Variants in ARHGAP6 observed in about 807,000 individuals in gnomAD.
ARHGAP6 encodes the protein Rho GTPase activating protein 6, also known as rho GTPase-activating protein 6.
A neutral mutation model predicts 55.7 loss-of-function variants in ARHGAP6; 16 were observed. That is an observed-to-expected ratio of 0.29 (90% CI 0.19 to 0.44). The LOEUF is 0.44. Among genes scored for constraint, ARHGAP6 ranks in the 20% least tolerant of loss-of-function variants. The pLI, the probability that ARHGAP6 is intolerant of heterozygous loss-of-function variation, is 1.00. For missense variants in ARHGAP6, 698 were observed against 808.9 expected (o/e 0.86, Z 1.66); for synonymous variants, 382 against 360.9 (o/e 1.06, Z -0.66).
intron 1 of ARHGAP6, among the ~76,000 whole-genome samples, chrX:11,658,638 A>AT (rs1284232663): frequency 9.5e-6 from 1 of 105,809 alleles, no homozygotes; most frequent in Admixed American, 1.1e-4. Flanking sequence ...GAAATCCCTT[A>AT]TTTTTTTTCA....
intron 1 of ARHGAP6, among the ~76,000 whole-genome samples, chrX:11,579,716 A>G (rs184011923): frequency 8.9e-6 from 1 of 112,316 alleles, no homozygotes; most frequent in East Asian, 2.8e-4. Flanking sequence ...CTCTAAATGA[A>G]TTATTATGAT....
intron 1 of ARHGAP6, among the ~76,000 whole-genome samples, chrX:11,311,040 G>A (rs1462792854): frequency 8.9e-6 from 1 of 111,978 alleles, no homozygotes; most frequent in African/African-American, 3.2e-5. Flanking sequence ...GTAATTAATT[G>A]TGACCCTCTG....
At chrX:11,244,914 C>T (rs2047332979) in intron 2 of ARHGAP6, among the ~76,000 whole-genome samples, 2 of 112,057 alleles carry the variant, frequency 1.8e-5, no homozygotes, top group Non-Finnish European at 3.8e-5. Flanking sequence ...TTTGTGAATA[C>T]CATGGTACAA....
chrX:11,299,899 T>G (rs1010840835), intron 1 of ARHGAP6, among the ~76,000 whole-genome samples: 1 of 111,914 alleles, frequency 8.9e-6, no homozygotes, highest in Non-Finnish European at 1.9e-5. Flanking sequence ...TTCTTTTAAA[T>G]GGGGGAAAAT....
At chrX:11,414,182 T>G (rs1229555931) in intron 1 of ARHGAP6, among the ~76,000 whole-genome samples, 1 of 111,902 alleles carries the variant, frequency 8.9e-6, no homozygotes, top group South Asian at 3.7e-4. Flanking sequence ...GGCCAAAGAG[T>G]AAACATTTTA....
At chrX:11,602,583 C>T (rs1345488755) in intron 1 of ARHGAP6, among the ~76,000 whole-genome samples, 1 of 112,928 alleles carries the variant, frequency 8.9e-6, no homozygotes, top group East Asian at 2.8e-4. Context: ...GAGCCCCTTG[C>T]TCTGCCCACC....
chrX:11,382,426 T>C (rs912586038), intron 1 of ARHGAP6, among the ~76,000 whole-genome samples: 1 of 111,388 alleles, frequency 9.0e-6, no homozygotes, highest in African/African-American at 3.3e-5. Flanking sequence ...TCCACAGAGC[T>C]GTATTTGTGA....
At chrX:11,385,256 A>G (rs1362427095) in intron 1 of ARHGAP6, among the ~76,000 whole-genome samples, 3 of 111,602 alleles carry the variant, frequency 2.7e-5, no homozygotes, top group Non-Finnish European at 5.6e-5. Context: ...TATTTGGGTC[A>G]GTAACCTTGC....
At chrX:11,294,687 A>G (rs2048051507) in intron 1 of ARHGAP6, 7 of 940,438 alleles carry the variant, frequency 7.4e-6, no homozygotes, top group Middle Eastern at 6.2e-4. Flanking sequence ...CTAGCAATAG[A>G]CTAATGTAGA....
At chrX:11,432,424 T>C (rs1262212968) in intron 1 of ARHGAP6, among the ~76,000 whole-genome samples, 1 of 112,208 alleles carries the variant, frequency 8.9e-6, no homozygotes, top group Non-Finnish European at 1.9e-5. Context: ...TATACATATC[T>C]CCTTGTGCAT....
chrX:11,197,066 A>T (rs190757366), intron 2 of ARHGAP6, 70 bp from the exon 3 acceptor site: 19 of 548,547 alleles, frequency 3.5e-5, no homozygotes, highest in Non-Finnish European at 5.7e-5. Flanking sequence ...CGATAATTAC[A>T]TTTGAGCAAA....
chrX:11,143,897 C>T (rs2045652810), intron 11 of ARHGAP6, 83 bp downstream of exon 11: 1 of 1,204,911 alleles, frequency 8.3e-7, no homozygotes, highest in Non-Finnish European at 1.1e-6. Flanking sequence ...AAGAGAAGGT[C>T]CGAAGAGCCC....
chrX:11,448,450 A>G (rs888837728), intron 1 of ARHGAP6, among the ~76,000 whole-genome samples: 1 of 111,877 alleles, frequency 8.9e-6, no homozygotes, highest in African/African-American at 3.3e-5. Context: ...TGGGGTTCAG[A>G]GCACTGGTTG....
At chrX:11,531,932 G>T (rs151124224) in intron 1 of ARHGAP6, among the ~76,000 whole-genome samples, 4 of 112,378 alleles carry the variant, frequency 3.6e-5, no homozygotes, top group African/African-American at 9.7e-5. Flanking sequence ...CTGAAGCTCA[G>T]GCCCCATTGT....
At chrX:11,490,335 G>A (rs187416413) in intron 1 of ARHGAP6, among the ~76,000 whole-genome samples, 115 of 111,675 alleles carry the variant, frequency 1.0e-3, no homozygotes, top group African/African-American at 3.2e-3. Flanking sequence ...AAAGCTGAGC[G>A]TAGCCCCCAG....
intron 1 of ARHGAP6, among the ~76,000 whole-genome samples, chrX:11,615,102 A>T (rs1266668070): frequency 1.8e-5 from 2 of 110,689 alleles, no homozygotes; most frequent in Admixed American, 9.6e-5. Flanking sequence ...TTTCTTAGGG[A>T]GACTATACTC....
chrX:11,520,131 TTATATA>T (rs1160731443), intron 1 of ARHGAP6, among the ~76,000 whole-genome samples: 805 of 18,227 alleles, frequency 0.044, 32 homozygotes, highest in African/African-American at 0.11. Flanking sequence ...AGAATTGATT[TTATATA>T]TATATATATA....
intron 1 of ARHGAP6, among the ~76,000 whole-genome samples, chrX:11,561,442 C>T (rs1313127350): frequency 4.5e-5 from 5 of 111,544 alleles, no homozygotes; most frequent in African/African-American, 6.5e-5. Flanking sequence ...CATACAATAA[C>T]GCAGGAAGAA....
intron 1 of ARHGAP6, among the ~76,000 whole-genome samples, chrX:11,393,345 A>T (rs1287369644): frequency 1.8e-5 from 2 of 111,456 alleles, no homozygotes; most frequent in Non-Finnish European, 3.8e-5. Flanking sequence ...GAAGAAAGCC[A>T]TTGTAAGTAA....
Sources: allele counts gnomAD v4.1 joint callset (sites outside exome capture counted in the v4.1 genomes callset), GRCh38; gene constraint gnomAD v4.1.1; transcripts MANE v1.5; gene names NCBI Gene and HGNC (gene_info 2026-07-23, HGNC 2026-07-21).